The following GSE1 variants were observed in gnomAD, a reference collection of about 807,000 sequenced individuals.
GSE1 encodes the protein Gse1 coiled-coil protein.
In GSE1, 32 loss-of-function variants were observed where a neutral mutation model predicts 112.6. The ratio of observed to expected loss-of-function variants is 0.28; its 90% CI spans 0.21 to 0.38. The LOEUF (loss-of-function observed/expected upper bound fraction) is 0.38, where lower values mean the gene tolerates loss of function less well. Among genes scored for constraint, GSE1 ranks in the 10% least tolerant of loss-of-function variants. GSE1 has a pLI of 1.00. For synonymous variants in GSE1, 1,115 were observed against 735.6 expected, an observed-to-expected ratio of 1.52 and a Z score of -8.35; for missense variants, 2,348 against 1,699.2, an observed-to-expected ratio of 1.38 and a Z score of -6.71.
chr16:85,661,895 T>A, intron 9 of GSE1, 130 bp downstream of exon 9: 2 of 897,586 alleles, frequency 2.2e-6, no homozygotes, highest in Non-Finnish European at 3.3e-6. Context: ...AGGCCCCAGG[T>A]GGCAAGTGCA....
At chr16:85,266,575 A>T (rs1162382401) in intron 1 of GSE1, among the ~76,000 whole-genome samples, 1 of 152,166 alleles carries the variant, frequency 6.6e-6, no homozygotes, top group East Asian at 1.9e-4. Context: ...CCTGTCACCC[A>T]GCAGACAAGG....
chr16:85,259,133 C>T (rs1014787148), intron 1 of GSE1, among the ~76,000 whole-genome samples: 1 of 152,152 alleles, frequency 6.6e-6, no homozygotes, highest in African/African-American at 2.4e-5. Flanking sequence ...TCTGCAGGGG[C>T]CACCGCGTCT....
At chr16:85,234,841 C>T (rs1331631066) in intron 1 of GSE1, among the ~76,000 whole-genome samples, 2 of 152,256 alleles carry the variant, frequency 1.3e-5, no homozygotes, top group East Asian at 1.9e-4. Context: ...CCAGCGAATA[C>T]GGCCCAGCTG....
chr16:85,672,554 C>A lies in GSE1; in HGVS notation c.*15C>A. 2 of 1,569,958 alleles carry A rather than the reference C, an allele frequency of 1.3e-6. No individual in the cohort carries two copies. The highest frequency in any genetic ancestry group is 1.7e-6 in the Non-Finnish European group (2 of 1,146,602). On this transcript the variant is annotated 3_prime_UTR_variant, in exon 16 of 16. Coordinates refer to ENST00000253458, the MANE Select transcript of GSE1 (RefSeq NM_014615.5). ...ATCCCAGGTGACGGTTTCCCTTGCA[C>A]TAGGCCGAACCTATAGTATAGAAAT...
At chr16:85,639,001 C>T (rs751854449) in intron 2 of GSE1, among the ~76,000 whole-genome samples, 1 of 152,158 alleles carries the variant, frequency 6.6e-6, no homozygotes, top group Admixed American at 6.5e-5. Context: ...GCCCGGGCCC[C>T]ACGCAGAACA....
intron 1 of GSE1, chr16:85,185,102 G>C (rs1302554687): frequency 1.3e-5 from 2 of 152,208 alleles, no homozygotes; most frequent in Non-Finnish European, 2.9e-5. Context: ...CACATTCGTG[G>C]TTGTTTTGTC....
intron 1 of GSE1, among the ~76,000 whole-genome samples, chr16:85,599,807 G>A (rs907304339): frequency 3.3e-5 from 5 of 152,226 alleles, no homozygotes; most frequent in Non-Finnish European, 5.9e-5. Context: ...AGCTGAGGCA[G>A]GAGGATTACT....
chr16:85,593,262 G>GGGAC (rs1305193149), intron 1 of GSE1: 1 of 152,288 alleles, frequency 6.6e-6, no homozygotes, highest in Non-Finnish European at 1.5e-5. Context: ...GCCAGCTGGA[G>GGGAC]GGACGGGGCC....
intron 2 of GSE1, 104 bp downstream of exon 2, chr16:85,634,236 C>T: frequency 2.5e-6 from 2 of 795,654 alleles, no homozygotes; most frequent in Non-Finnish European, 3.7e-6. Context: ...TCTCGTCTTT[C>T]CCACGCCGTG....
chr16:85,509,648 G>A (rs906915750), intron 2 of GSE1, among the ~76,000 whole-genome samples: 3 of 152,230 alleles, frequency 2.0e-5, no homozygotes, highest in Admixed American at 2.0e-4. Flanking sequence ...ATGTATGCTG[G>A]CCCTGAAGGC....
At chr16:85,503,775 G>C (rs1226394735) in intron 2 of GSE1, among the ~76,000 whole-genome samples, 1 of 152,156 alleles carries the variant, frequency 6.6e-6, no homozygotes. Context: ...CCCGAGACTG[G>C]TCTTTAAAAC....
At chr16:85,224,608 G>A (rs1037327806) in intron 1 of GSE1, among the ~76,000 whole-genome samples, 2 of 152,146 alleles carry the variant, frequency 1.3e-5, no homozygotes, top group African/African-American at 2.4e-5. Context: ...TGGTGATGGT[G>A]GTGTAGCCGT....
chr16:85,602,634 C>A (rs566064942), intron 1 of GSE1, among the ~76,000 whole-genome samples: 9 of 152,122 alleles, frequency 5.9e-5, no homozygotes, highest in Non-Finnish European at 1.3e-4. Context: ...TTGGTGGGGG[C>A]CTGAGGTGTA....
intron 1 of GSE1, among the ~76,000 whole-genome samples, chr16:85,208,149 T>C (rs908043806): frequency 6.6e-6 from 1 of 152,126 alleles, no homozygotes; most frequent in Non-Finnish European, 1.5e-5. Context: ...CTGGTGACTT[T>C]GGATGGGTCA....
chr16:85,472,907 C>A (rs998544328), intron 2 of GSE1, among the ~76,000 whole-genome samples: 4 of 152,230 alleles, frequency 2.6e-5, no homozygotes, highest in African/African-American at 9.6e-5. Context: ...CCTGCCATGC[C>A]ATGGCTCCTC....
intron 1 of GSE1, among the ~76,000 whole-genome samples, chr16:85,240,559 C>G (rs1905089930): frequency 6.6e-6 from 1 of 152,234 alleles, no homozygotes; most frequent in African/African-American, 2.4e-5. Flanking sequence ...CTGAGGCTCT[C>G]TGAGCCTCAC....
intron 2 of GSE1, among the ~76,000 whole-genome samples, chr16:85,528,183 A>C (rs998639925): frequency 1.3e-5 from 2 of 152,262 alleles, no homozygotes; most frequent in Non-Finnish European, 2.9e-5. Context: ...TGAAGCGTGC[A>C]GTGCAATGAG....
intron 2 of GSE1, among the ~76,000 whole-genome samples, chr16:85,361,442 C>T (rs537082150): frequency 6.6e-6 from 1 of 152,206 alleles, no homozygotes; most frequent in Non-Finnish European, 1.5e-5. Context: ...CCCATCCCCA[C>T]CACAGCCCCG....
chr16:85,398,885 G>A (rs2048026988), intron 2 of GSE1, among the ~76,000 whole-genome samples: 1 of 152,056 alleles, frequency 6.6e-6, no homozygotes, highest in African/African-American at 2.4e-5. Context: ...GCACCGACAT[G>A]TGTGGTATGT....
Sources: allele counts gnomAD v4.1 joint callset (sites outside exome capture counted in the v4.1 genomes callset), GRCh38; gene constraint gnomAD v4.1.1; transcripts MANE v1.5; gene names NCBI Gene and HGNC (gene_info 2026-07-23, HGNC 2026-07-21).